Variants in SHISA6 observed in about 807,000 individuals in gnomAD.
SHISA6 encodes protein shisa-6.
SHISA6 carries 22 observed loss-of-function variants against 47.9 expected under a neutral mutation model. That is an observed-to-expected ratio of 0.46 (90% CI 0.33 to 0.66). SHISA6 has a LOEUF of 0.66. SHISA6 is among the 30% of genes least tolerant of loss of function. The pLI is 0.02. For missense variants in SHISA6, 680 were observed against 764.6 expected, an observed-to-expected ratio of 0.89 and a Z score of 1.30; for synonymous variants, 388 against 337.8, an observed-to-expected ratio of 1.15 and a Z score of -1.63.
At chr17:11,415,815 G>A (rs187025761) in intron 3 of SHISA6, among the ~76,000 whole-genome samples, 5 of 152,230 alleles carry the variant, frequency 3.3e-5, no homozygotes, top group Non-Finnish European at 1.5e-5. Context: ...TTTCCTAGGA[G>A]ATGACCTCTG....
intron 3 of SHISA6, among the ~76,000 whole-genome samples, chr17:11,458,654 A>G (rs1435642078): frequency 1.3e-5 from 2 of 152,126 alleles, no homozygotes; most frequent in African/African-American, 4.8e-5. Flanking sequence ...TTCAGTGCAC[A>G]AACCCACTTT....
chr17:11,428,324 A>G (rs1353168593), intron 3 of SHISA6, among the ~76,000 whole-genome samples: 5 of 152,240 alleles, frequency 3.3e-5, no homozygotes, highest in Admixed American at 6.5e-5. Context: ...TCAGTCTTTT[A>G]TAACGGCGAA....
chr17:11,423,434 G>A (rs1290723052), intron 3 of SHISA6, among the ~76,000 whole-genome samples: 1 of 151,718 alleles, frequency 6.6e-6, no homozygotes, highest in Non-Finnish European at 1.5e-5. Context: ...ACTGTTTGGG[G>A]AAAATTTTTT....
chr17:11,277,278 TCTCACACACACA>T lies in SHISA6; in HGVS notation c.799+13754_799+13765del, dbSNP rs1402104211. Among the ~76,000 whole-genome samples the T allele has an allele frequency of 9.9e-3, 520 of 52,648 alleles. 4 individuals are homozygous for T. Among genetic ancestry groups the T allele is most frequent in the African/African-American group, 0.027 (462 of 17,166 alleles). 34.5% of individuals were successfully genotyped at this position (52,648 alleles called of 152,430 possible). On this transcript the variant is annotated intron_variant, in intron 2 of 5. Coordinates refer to ENST00000441885, the MANE Select transcript of SHISA6 (RefSeq NM_207386.4). ...CTCTCTCTCTCTCTCTCTCTCTCTC[TCTCACACACACA>T]CACACACACACACACACACACACAC...
chr17:11,427,196 T>C (rs565744233), intron 3 of SHISA6, among the ~76,000 whole-genome samples: 25 of 152,104 alleles, frequency 1.6e-4, no homozygotes, highest in South Asian at 1.0e-3. Context: ...TGCAGTGGCA[T>C]AGTCTCGGCT....
intron 3 of SHISA6, among the ~76,000 whole-genome samples, chr17:11,471,210 G>GAAAA (rs10699970): frequency 4.1e-5 from 4 of 97,776 alleles, no homozygotes; most frequent in Admixed American, 1.1e-4. Flanking sequence ...CTCCATCTCA[G>GAAAA]AAAAAAAAAA....
chr17:11,285,837 CTTT>C (rs111973369), intron 2 of SHISA6, among the ~76,000 whole-genome samples: 4 of 140,752 alleles, frequency 2.8e-5, no homozygotes, highest in African/African-American at 2.6e-5. Flanking sequence ...CTCTCTCTCT[CTTT>C]TTTTTTTTTT....
Position 11,493,914 on chromosome 17 carries a change from A to ATT in SHISA6, c.896-57973_896-57972dup, listed in dbSNP as rs60787178. ...CTAACTAAATTCTGTTCTCCCTTCTATTTTTTTTTTGACTTGTTCTTTCTT... is the reference window on the plus strand; with the variant it reads ...CTAACTAAATTCTGTTCTCCCTTCTATTTTTTTTTTTTGACTTGTTCTTTCTT... On this transcript the variant is annotated intron_variant, in intron 3 of 5. Coordinates refer to ENST00000441885, the MANE Select transcript of SHISA6 (RefSeq NM_207386.4). Among the ~76,000 whole-genome samples the ATT allele has an allele frequency of 2.3e-3, 342 of 149,908 alleles. 2 individuals are homozygous for ATT. The highest frequency in any genetic ancestry group is 5.3e-3 in the African/African-American group (214 of 40,624).
chr17:11,437,230 G>A (rs188275136), intron 3 of SHISA6, among the ~76,000 whole-genome samples: 2 of 152,278 alleles, frequency 1.3e-5, no homozygotes, highest in African/African-American at 2.4e-5. Flanking sequence ...TGAGAGGCTG[G>A]TCACCTCCCT....
At chr17:11,364,605 A>G (rs1019387558) in intron 2 of SHISA6, among the ~76,000 whole-genome samples, 25 of 152,220 alleles carry the variant, frequency 1.6e-4, no homozygotes, top group African/African-American at 6.0e-4. Context: ...TCACCATTTG[A>G]TGGACATTCT....
intron 2 of SHISA6, among the ~76,000 whole-genome samples, chr17:11,326,300 T>C (rs2142200657): frequency 6.7e-6 from 1 of 149,338 alleles, no homozygotes; most frequent in African/African-American, 2.5e-5. Flanking sequence ...AATAGGGGGA[T>C]GTAGGGCAAG....
intron 3 of SHISA6, among the ~76,000 whole-genome samples, chr17:11,494,802 A>C (rs1418948683): frequency 6.6e-6 from 1 of 152,196 alleles, no homozygotes; most frequent in Non-Finnish European, 1.5e-5. Context: ...CAGGTGGAGC[A>C]GTTCTCAATG....
intron 2 of SHISA6, among the ~76,000 whole-genome samples, chr17:11,269,201 C>G (rs1051250479): frequency 6.6e-6 from 1 of 152,128 alleles, no homozygotes; most frequent in African/African-American, 2.4e-5. Flanking sequence ...GCCACCAGAT[C>G]CAGTTAATCT....
chr17:11,422,095 G>T (rs1914465470), intron 3 of SHISA6, among the ~76,000 whole-genome samples: 1 of 152,118 alleles, frequency 6.6e-6, no homozygotes, highest in Non-Finnish European at 1.5e-5. Context: ...AGCCTCTCCG[G>T]CAGCCACCTG....
rs560483231 is a variant in SHISA6, at chr17:11,448,342, C to A, written c.895+68833C>A. 5.3e-5 allele frequency among the ~76,000 whole-genome samples: 8 copies of A among 152,044 alleles called. No individual in the cohort carries two copies. The South Asian group carries it at 1.5e-3, about 28-fold the overall frequency. On this transcript the variant is annotated intron_variant, in intron 3 of 5. Coordinates refer to ENST00000441885, the MANE Select transcript of SHISA6 (RefSeq NM_207386.4). ...GCCAGGAGTTCTAGACCAGCCTGGG[C>A]AACATAGTGAGACCCTGGCTCTAAA...
chr17:11,326,695 GTT>G (rs1177845996), intron 2 of SHISA6, among the ~76,000 whole-genome samples: 1 of 152,218 alleles, frequency 6.6e-6, no homozygotes, highest in Non-Finnish European at 1.5e-5. Flanking sequence ...ATGATGCAAA[GTT>G]TTTGTATCCA....
At chr17:11,402,504 C>G (rs1913811383) in intron 3 of SHISA6, among the ~76,000 whole-genome samples, 1 of 152,196 alleles carries the variant, frequency 6.6e-6, no homozygotes, top group African/African-American at 2.4e-5. Flanking sequence ...AGCCTATCAG[C>G]CTTTGTAAGG....
intron 2 of SHISA6, among the ~76,000 whole-genome samples, chr17:11,347,633 G>A (rs1911744649): frequency 6.6e-6 from 1 of 152,180 alleles, no homozygotes; most frequent in South Asian, 2.1e-4. Flanking sequence ...TTGCAAGCTG[G>A]ATTTCAAATG....
intron 3 of SHISA6, among the ~76,000 whole-genome samples, chr17:11,408,383 C>G (rs1914023210): frequency 6.6e-6 from 1 of 152,174 alleles, no homozygotes; most frequent in African/African-American, 2.4e-5. Context: ...GAATCAGAAG[C>G]TCTGGGGGTG....
Sources: gnomAD v4.1 joint callset for allele counts (sites outside exome capture counted in the v4.1 genomes callset) on GRCh38, gnomAD v4.1.1 for gene constraint, MANE v1.5 for transcripts, NCBI Gene and HGNC (gene_info 2026-07-23, HGNC 2026-07-21) for gene names.